Variants in MSS51 observed in about 807,000 individuals in gnomAD.
The protein encoded by MSS51 is putative protein MSS51 homolog, mitochondrial.
MSS51 carries 32 observed loss-of-function variants against 40.2 expected under a neutral mutation model. The observed-to-expected ratio is 0.80, with a 90% CI of 0.60 to 1.07. The LOEUF (loss-of-function observed/expected upper bound fraction) is 1.07, where lower values mean the gene tolerates loss of function less well. Among genes scored for constraint, MSS51 ranks in the 50% least tolerant of loss-of-function variants. The pLI is 0.00. For missense variants in MSS51, 518 were observed against 568.9 expected, an observed-to-expected ratio of 0.91 and a Z score of 0.91; for synonymous variants, 178 against 214.2, an observed-to-expected ratio of 0.83 and a Z score of 1.48.
At position 73,426,123 on chromosome 10, in the gene MSS51, A is replaced by G. The variant is rs2055986019; in HGVS notation, c.757T>C (p.Leu253=). The change falls in exon 5 of 7, where the codon TTG becomes CTG. Residue 253 remains leucine, a synonymous_variant. Coordinates refer to ENST00000299432, the MANE Select transcript of MSS51 (RefSeq NM_001024593.2). ...PLTLGLGLRA[L]GIDVRRTGGS... ...CCAGTCCTCCTAACATCTATCCCCAAGGCCCTAAGTCCTAGGCCTAGAGTC... is the reference window on the plus strand; with the variant it reads ...CCAGTCCTCCTAACATCTATCCCCAGGGCCCTAAGTCCTAGGCCTAGAGTC... 7.4e-6 allele frequency: 12 copies of G among 1,614,176 alleles called. No homozygotes were observed. The East Asian group carries it at 1.8e-4, about 24-fold the overall frequency.
Position 73,425,980 on chromosome 10 carries a change from C to T in MSS51, c.900G>A (p.Met300Ile). Residue 300 changes from methionine (M) to isoleucine (I), a missense_variant, in exon 5 of 7, where the codon ATG (methionine) becomes ATA (isoleucine). By Grantham distance (10) the Met-to-Ile change is conservative. Transcript: ENST00000299432. ...FPGHLGLRVV[M>I]VGVDVATGFS... is the part of the protein sequence containing the mutation. ...AGCCAGTAGCTACATCTACACCCAC[C>T]ATGACCACACGGAGTCCAAGGTGCC... 1 of 1,614,198 alleles carries T rather than the reference C, an allele frequency of 6.2e-7. No homozygotes were observed. Among genetic ancestry groups the T allele is most frequent in the Non-Finnish European group, 8.5e-7 (1 of 1,180,046 alleles).
In MSS51 at chr10:73,428,106, A is replaced by G. The variant is rs2056002960; in HGVS notation, c.179T>C (p.Leu60Pro). 1 of 1,614,124 alleles carries G rather than the reference A, an allele frequency of 6.2e-7. No homozygotes were observed. Among genetic ancestry groups the G allele is most frequent in the South Asian group, 1.1e-5 (1 of 91,082 alleles). Residue 60 changes from leucine to proline, a missense_variant, in exon 2 of 7, where the codon CTG becomes CCG. Physicochemically the swap from Leu to Pro is moderately conservative, Grantham distance 98. Coordinates refer to ENST00000299432, the MANE Select transcript of MSS51 (RefSeq NM_001024593.2). ...LDDNVPGLSQ[L>P]ILQKLNMKSY... ...TTTCATGTTCAGCTTTTGAAGGATC[A>G]GCTGCGATAGGCCAGGAACATTATC... is the stretch of plus-strand genomic sequence containing the variant.
At chr10:73,433,201 CAA>C (rs1169596244) in intron 1 of MSS51, among the ~76,000 whole-genome samples, 1 of 152,020 alleles carries the variant, frequency 6.6e-6, no homozygotes, top group Non-Finnish European at 1.5e-5. Context: ...TCTTTACCAC[CAA>C]GAGTCCCAAG....
chr10:73,431,235 A>G (rs541540558), intron 1 of MSS51, among the ~76,000 whole-genome samples: 1 of 152,356 alleles, frequency 6.6e-6, no homozygotes, highest in South Asian at 2.1e-4. Context: ...CCGTGAATAC[A>G]CTAAATGCCA....
chr10:73,426,790 G>C (rs1214511854), intron 3 of MSS51, 59 bp from the exon 4 acceptor site: 57 of 1,579,536 alleles, frequency 3.6e-5, no homozygotes, highest in East Asian at 1.6e-4. Flanking sequence ...GTTATCGGAG[G>C]AAAGGAACTG....
rs115332764 is a variant in MSS51 at position 73,425,182 on chromosome 10, G to A, written c.1079C>T (p.Ser360Phe). 4.5e-4 allele frequency: 722 copies of A among 1,592,634 alleles called. 5 individuals are homozygous for A. The African/African-American group carries it at 8.9e-3, about 20-fold the overall frequency. The change falls in exon 6 of 7, where the codon TCC becomes TTC. Residue 360 changes from serine (S) to phenylalanine (F), a missense_variant. Ser to Phe is a radical substitution (Grantham distance 155). Transcript: ENST00000299432. ...CCAAGCCTCCATCAAGTCTGGGGAG[G>A]AATGAAAACCTGTGGAACAAAAATG... is the stretch of plus-strand genomic sequence containing the variant. ...LVAAFHPGFH[S>F]SPDLMEAWLP...
In MSS51 at chr10:73,425,921, G is replaced by A; in HGVS notation, c.959C>T (p.Pro320Leu). Reference sequence around the variant, plus strand: ...GTGGGCACTAAGCTGAATTGTGCCAGGTTCCAGGGGTGAAGTTGAGGTGCT... The same window carrying A: ...GTGGGCACTAAGCTGAATTGTGCCAAGTTCCAGGGGTGAAGTTGAGGTGCT... ...SQSTSTSPLE[P>L]GTIQLSAHRG... The change falls in exon 5 of 7, where the codon CCT becomes CTT. Residue 320 changes from proline (P) to leucine (L), a missense_variant. By Grantham distance (98) the Pro-to-Leu change is moderately conservative. Coordinates refer to ENST00000299432, the MANE Select transcript of MSS51 (RefSeq NM_001024593.2). 6.2e-7 allele frequency: 1 copy of A among 1,614,174 alleles called. No individual in the cohort carries two copies. Among genetic ancestry groups the A allele is most frequent in the South Asian group, 1.1e-5 (1 of 91,072 alleles).
In MSS51 at chr10:73,426,101, G is replaced by A. The variant is rs753284935; in HGVS notation, c.779C>T (p.Thr260Ile). The A allele has an allele frequency of 6.2e-7, 1 of 1,614,202 alleles. No individual in the cohort carries two copies. The highest frequency in any genetic ancestry group is 1.7e-5 in the Admixed American group (1 of 60,024). The part of the protein sequence containing the change: ...LRALGIDVRR[T>I]GGSTVHVVGA... ...AACCACATGCACTGTGCTTCCCCCA[G>A]TCCTCCTAACATCTATCCCCAAGGC... Residue 260 changes from threonine to isoleucine, a missense_variant, in exon 5 of 7, where the codon ACT becomes ATT. By Grantham distance (89) the Thr-to-Ile change is moderately conservative. Transcript: ENST00000299432.
At position 73,426,706 on chromosome 10, in the gene MSS51, G is replaced by A. The variant is rs764158158; in HGVS notation, c.403C>T (p.Pro135Ser). The A allele has an allele frequency of 1.1e-5, 18 of 1,613,970 alleles. No homozygotes were observed. Among genetic ancestry groups the A allele is most frequent in the Non-Finnish European group, 1.5e-5 (18 of 1,180,022 alleles). The stretch of plus-strand genomic sequence containing the variant: ...GGCCAGTCTGACTTCTGGCACTCTG[G>A]ACCACAGTAATAGACATTTCTGCAC... ...KRCRNVYYCG[P>S]ECQKSDWPAH... The change falls in exon 4 of 7, where the codon CCA becomes TCA. Residue 135 changes from proline (P) to serine (S), a missense_variant. By Grantham distance (74) the Pro-to-Ser change is moderately conservative. Transcript: ENST00000299432.
rs1296759768 is a variant in MSS51, at chr10:73,428,320, A to G, written c.-17-19T>C. The G allele has an allele frequency of 1.3e-6, 2 of 1,535,100 alleles. No individual in the cohort carries two copies. ...GTGATACCTGGAGATTATATGCAGA[A>G]TAGACATGGAATGGAATTTTACAAG... On this transcript the variant is annotated intron_variant, in intron 1 of 6. Transcript: ENST00000299432.
At chr10:73,432,559 C>T (rs1205000134) in intron 1 of MSS51, among the ~76,000 whole-genome samples, 1 of 152,130 alleles carries the variant, frequency 6.6e-6, no homozygotes, top group African/African-American at 2.4e-5. Context: ...TGAGGTCTTC[C>T]TCTAAAGGAA....
chr10:73,428,780 C>A (rs532203031), intron 1 of MSS51, among the ~76,000 whole-genome samples: 1 of 152,018 alleles, frequency 6.6e-6, no homozygotes, highest in South Asian at 2.1e-4. Flanking sequence ...AGCCACCGCA[C>A]CCAGCCAAGA....
chr10:73,425,102 A>C lies in MSS51; in HGVS notation c.1159T>G (p.Tyr387Asp), dbSNP rs771480911. ...CAAATAGGATGAGGTCAAAACCTGT[A>C]AACAGTAATCAATGTAGGAATCTTA... ...DYKIPTLITV[Y>D]SHQELVSSLQ... The change falls in exon 6 of 7, where the codon TAC becomes GAC. Residue 387 changes from tyrosine to aspartate, a missense_variant. By Grantham distance (160) the Tyr-to-Asp change is radical (BLOSUM62 -3). Transcript: ENST00000299432. The C allele has an allele frequency of 1.2e-5, 20 of 1,611,248 alleles. No homozygotes were observed. Among genetic ancestry groups the C allele is most frequent in the African/African-American group, 2.7e-5 (2 of 74,856 alleles).
rs142505579 is a variant in MSS51, at chr10:73,424,608, C to T, written c.1328G>A (p.Ser443Asn). Residue 443 changes from serine to asparagine, a missense_variant, in exon 7 of 7, where the codon AGC (serine) becomes AAC (asparagine). Coordinates refer to ENST00000299432, the MANE Select transcript of MSS51 (RefSeq NM_001024593.2). Reference sequence around the variant, plus strand: ...TTGCCTATTATCCAGCTGACAGGAGCTTCCAAGAAACATGATATAGTATGC... The same window carrying T: ...TTGCCTATTATCCAGCTGACAGGAGTTTCCAAGAAACATGATATAGTATGC... ...CSAYYIMFLG[S>N]SCQLDNRQLE... The T allele has an allele frequency of 2.7e-5, 44 of 1,614,018 alleles. No individual in the cohort carries two copies. Among genetic ancestry groups the T allele is most frequent in the Non-Finnish European group, 3.7e-5 (44 of 1,180,024 alleles).
At chr10:73,431,904 A>G (rs545604852) in intron 1 of MSS51, among the ~76,000 whole-genome samples, 1 of 152,226 alleles carries the variant, frequency 6.6e-6, no homozygotes, top group African/African-American at 2.4e-5. Context: ...TTTAGGGCCC[A>G]ATTTCCAACA....
intron 1 of MSS51, among the ~76,000 whole-genome samples, chr10:73,430,219 C>A (rs2056018096): frequency 6.6e-6 from 1 of 151,960 alleles, no homozygotes; most frequent in Non-Finnish European, 1.5e-5. Flanking sequence ...GATATGACAC[C>A]AAAAGCACAG....
intron 1 of MSS51, among the ~76,000 whole-genome samples, chr10:73,428,860 CAT>C (rs1164401118): frequency 3.3e-5 from 5 of 151,106 alleles, no homozygotes; most frequent in East Asian, 1.9e-4. Flanking sequence ...TATACACACA[CAT>C]ATATATATAT....
At chr10:73,429,160 C>A (rs545099348) in intron 1 of MSS51, among the ~76,000 whole-genome samples, 1 of 151,856 alleles carries the variant, frequency 6.6e-6, no homozygotes, top group Non-Finnish European at 1.5e-5. Context: ...GAGCCGAGAT[C>A]GCACCATTGC....
intron 6 of MSS51, 96 bp from the exon 7 acceptor site, chr10:73,424,868 C>T: frequency 9.5e-7 from 1 of 1,048,470 alleles, no homozygotes; most frequent in Non-Finnish European, 1.4e-6. Context: ...TCACCCATCC[C>T]CCAAATTGCC....
Sources: gnomAD v4.1 joint callset for allele counts (sites outside exome capture counted in the v4.1 genomes callset) on GRCh38, gnomAD v4.1.1 for gene constraint, MANE v1.5 for transcripts, NCBI Gene and HGNC (gene_info 2026-07-23, HGNC 2026-07-21) for gene names.